The following ERG variants were observed in gnomAD, a reference collection of about 807,000 sequenced individuals.
The protein encoded by ERG is transcriptional regulator ERG.
ERG carries 9 observed loss-of-function variants against 55.3 expected under a neutral mutation model. The observed-to-expected ratio is 0.16, with a 90% CI of 0.10 to 0.28. The LOEUF is 0.28. Among genes scored for constraint, ERG ranks in the 10% least tolerant of loss-of-function variants. The pLI is 1.00. For missense variants in ERG, 434 were observed against 631.6 expected, an observed-to-expected ratio of 0.69 and a Z score of 3.35; for synonymous variants, 223 against 237.3, an observed-to-expected ratio of 0.94 and a Z score of 0.55.
At chr21:38,624,725 T>C (rs559637182) in intron 1 of ERG, among the ~76,000 whole-genome samples, 11 of 152,322 alleles carry the variant, frequency 7.2e-5, no homozygotes, top group Admixed American at 2.0e-4. Context: ...AAAACTGGGA[T>C]AATATAAGCA....
intron 6 of ERG, among the ~76,000 whole-genome samples, chr21:38,393,792 G>T (rs1187218123): frequency 6.6e-6 from 1 of 152,106 alleles, no homozygotes; most frequent in Admixed American, 6.5e-5. Flanking sequence ...TACTAGTGTG[G>T]TCTATGAAAT....
At chr21:38,572,022 T>C (rs531237897) in intron 2 of ERG, among the ~76,000 whole-genome samples, 1 of 152,198 alleles carries the variant, frequency 6.6e-6, no homozygotes, top group African/African-American at 2.4e-5. Context: ...CCACTATATA[T>C]GTTAATACAT....
In ERG at chr21:38,402,425, C is replaced by A. The variant is rs570123509; in HGVS notation, c.673+132G>T. The A allele has an allele frequency of 4.5e-6, 3 of 662,160 alleles. No individual in the cohort carries two copies. In the East Asian group the frequency reaches 9.0e-5, roughly 20 times the overall value. 41.0% of individuals were successfully genotyped at this position (662,160 alleles called of 1,614,324 possible). On this transcript the variant is annotated intron_variant, in intron 5 of 9. Transcript: ENST00000288319. ...TAGGCTGTGGTACATTCCTAAGTAT[C>A]CGAAAGTATTCTGAATCATCTACCT...
intron 3 of ERG, among the ~76,000 whole-genome samples, chr21:38,414,514 T>G (rs1460489511): frequency 6.6e-6 from 1 of 152,222 alleles, no homozygotes; most frequent in Non-Finnish European, 1.5e-5. Flanking sequence ...ACAGAAGAAC[T>G]GCACTTTTTA....
chr21:38,452,352 T>C (rs1008835899), intron 1 of ERG, among the ~76,000 whole-genome samples: 1 of 152,164 alleles, frequency 6.6e-6, no homozygotes, highest in African/African-American at 2.4e-5. Flanking sequence ...CACACACATA[T>C]ATACAGATAC....
intron 6 of ERG, among the ~76,000 whole-genome samples, chr21:38,397,007 C>T (rs1988253203): frequency 6.6e-6 from 1 of 152,078 alleles, no homozygotes; most frequent in African/African-American, 2.4e-5. Flanking sequence ...AGAAGACTGT[C>T]TCAATGCTAA....
intron 6 of ERG, among the ~76,000 whole-genome samples, chr21:38,394,408 A>C (rs957714157): frequency 2.0e-5 from 3 of 150,778 alleles, no homozygotes; most frequent in African/African-American, 7.3e-5. Flanking sequence ...GCTGGAGTGC[A>C]GTGGCGCGAT....
chr21:38,405,561 G>A (rs1379125942), intron 3 of ERG, among the ~76,000 whole-genome samples: 2 of 152,108 alleles, frequency 1.3e-5, no homozygotes, highest in African/African-American at 4.8e-5. Context: ...TCCCCCAGGT[G>A]ACTCTAATGA....
At chr21:38,554,091 T>A (rs962899799) in intron 2 of ERG, among the ~76,000 whole-genome samples, 3 of 151,976 alleles carry the variant, frequency 2.0e-5, no homozygotes, top group Admixed American at 1.3e-4. Flanking sequence ...ACGCTCAACA[T>A]CACTAATCAC....
intron 1 of ERG, among the ~76,000 whole-genome samples, chr21:38,489,071 C>G (rs1487243172): frequency 6.6e-6 from 1 of 152,134 alleles, no homozygotes; most frequent in Non-Finnish European, 1.5e-5. Flanking sequence ...TGCATCAGTG[C>G]GTCTCTGGTT....
intron 2 of ERG, among the ~76,000 whole-genome samples, chr21:38,444,077 A>C (rs1489799843): frequency 6.6e-6 from 1 of 152,222 alleles, no homozygotes; most frequent in Non-Finnish European, 1.5e-5. Flanking sequence ...CCTCTAGGAC[A>C]CTGTGACTTG....
chr21:38,598,350 A>G (rs2060144194), intron 1 of ERG, among the ~76,000 whole-genome samples: 1 of 152,206 alleles, frequency 6.6e-6, no homozygotes, highest in Non-Finnish European at 1.5e-5. Context: ...GGTCACAGGC[A>G]TGGAAGCGCA....
intron 1 of ERG, among the ~76,000 whole-genome samples, chr21:38,449,510 C>G (rs2058921673): frequency 6.6e-6 from 1 of 152,136 alleles, no homozygotes; most frequent in Non-Finnish European, 1.5e-5. Flanking sequence ...GGAGGTCCCA[C>G]CAGGTTATAT....
At chr21:38,578,891 A>G (rs2060011348) in intron 1 of ERG, among the ~76,000 whole-genome samples, 1 of 152,224 alleles carries the variant, frequency 6.6e-6, no homozygotes, top group African/African-American at 2.4e-5. Flanking sequence ...CAGATTACCG[A>G]GATCTTCGTT....
chr21:38,395,635 C>A (rs2146438427), intron 6 of ERG: 1 of 179,402 alleles, frequency 5.6e-6, no homozygotes, highest in South Asian at 2.0e-4. Flanking sequence ...CTTGGGTGAA[C>A]ACAGATGTAC....
At chr21:38,544,415 T>A (rs1415688383) in intron 2 of ERG, among the ~76,000 whole-genome samples, 4 of 152,126 alleles carry the variant, frequency 2.6e-5, no homozygotes, top group African/African-American at 9.6e-5. Flanking sequence ...AGCAGAGTCA[T>A]GATCCACGCA....
At chr21:38,516,812 C>A (rs1036535784) in intron 2 of ERG, among the ~76,000 whole-genome samples, 7 of 151,934 alleles carry the variant, frequency 4.6e-5, no homozygotes, top group Admixed American at 2.6e-4. Flanking sequence ...AATAAATCCA[C>A]ATATTCACAG....
intron 1 of ERG, among the ~76,000 whole-genome samples, chr21:38,478,125 C>T (rs1481519144): frequency 1.3e-5 from 2 of 152,228 alleles, no homozygotes; most frequent in East Asian, 3.8e-4. Context: ...ATATCTCACT[C>T]ATGCTGGACT....
chr21:38,581,434 T>C (rs986675176), intron 1 of ERG, among the ~76,000 whole-genome samples: 2 of 152,190 alleles, frequency 1.3e-5, no homozygotes, highest in African/African-American at 4.8e-5. Context: ...CTCCTAAAAC[T>C]CTGGGAATTT....
Sources: allele counts gnomAD v4.1 joint callset (sites outside exome capture counted in the v4.1 genomes callset), GRCh38; gene constraint gnomAD v4.1.1; transcripts MANE v1.5; gene names NCBI Gene and HGNC (gene_info 2026-07-23, HGNC 2026-07-21).